The following CLNK variants were observed in gnomAD, a reference collection of about 807,000 sequenced individuals.
CLNK encodes cytokine-dependent hematopoietic cell linker.
Under a neutral mutation model 68.6 loss-of-function variants are expected in CLNK, and 74 were observed. The ratio of observed to expected loss-of-function variants is 1.08; its 90% CI spans 0.89 to 1.31. CLNK has a LOEUF of 1.31. Ranked by LOEUF, CLNK falls within the 50% of genes most tolerant of loss-of-function variation. The pLI is 0.00. For synonymous variants in CLNK, 198 were observed against 172.2 expected (o/e 1.15, Z -1.17); for missense variants, 553 against 515.3 (o/e 1.07, Z -0.71).
chr4:10,507,400 C>T (rs961905432), intron 17 of CLNK, among the ~76,000 whole-genome samples: 10 of 151,776 alleles, frequency 6.6e-5, no homozygotes, highest in East Asian at 1.9e-4. Context: ...CGTGAACTGC[C>T]GCATCCGGTC....
At chr4:10,661,555 C>T (rs763364907) in intron 2 of CLNK, among the ~76,000 whole-genome samples, 6 of 152,100 alleles carry the variant, frequency 3.9e-5, no homozygotes, top group Non-Finnish European at 7.3e-5. Flanking sequence ...TAGTGCTGAG[C>T]CATCAGAAAG....
chr4:10,639,863 TG>T (rs1169781224), intron 2 of CLNK, among the ~76,000 whole-genome samples: 4 of 152,224 alleles, frequency 2.6e-5, no homozygotes, highest in Non-Finnish European at 5.9e-5. Context: ...ATTACTGCAT[TG>T]GTGAATCACT....
At chr4:10,660,735 A>G (rs922449742) in intron 2 of CLNK, among the ~76,000 whole-genome samples, 1 of 152,324 alleles carries the variant, frequency 6.6e-6, no homozygotes, top group Admixed American at 6.5e-5. Context: ...AGAGAAGACT[A>G]TCTTGACATC....
chr4:10,593,517 G>C (rs1265468471), intron 3 of CLNK, among the ~76,000 whole-genome samples: 1 of 152,080 alleles, frequency 6.6e-6, no homozygotes, highest in South Asian at 2.1e-4. Flanking sequence ...TGCTGGGCGT[G>C]GTGGCAGGCA....
chr4:10,713,430 G>C, the CLNK span, among the ~76,000 whole-genome samples: 33 of 152,290 alleles, frequency 2.2e-4, 1 homozygote, highest in African/African-American at 7.0e-4. Flanking sequence ...CTAGGAGGAA[G>C]GGGGAACAAC....
intron 2 of CLNK, among the ~76,000 whole-genome samples, chr4:10,617,869 G>A (rs964050081): frequency 7.9e-5 from 12 of 152,290 alleles, no homozygotes; most frequent in Admixed American, 3.9e-4. Flanking sequence ...TTCATCCTGG[G>A]CTGTAGGGAA....
At chr4:10,518,104 A>G (rs896859694) in intron 15 of CLNK, among the ~76,000 whole-genome samples, 1 of 152,198 alleles carries the variant, frequency 6.6e-6, no homozygotes, top group Middle Eastern at 3.2e-3. Context: ...CAAGGAAATG[A>G]AGCCACAAGA....
rs767784743 is a variant in CLNK at position 10,490,630 on chromosome 4, A to G, written c.1141-17T>C. 1.3e-6 allele frequency: 2 copies of G among 1,550,344 alleles called. No homozygotes were observed. Among genetic ancestry groups the G allele is most frequent in the East Asian group, 2.4e-5 (1 of 41,362 alleles). ...ATCAAACTTCTGAAACACAGAAAAG[A>G]AAGTTAATGACTTTTAAAATATCTT... On this transcript the variant is annotated splice_polypyrimidine_tract_variant and intron_variant, in intron 18 of 18. Coordinates refer to ENST00000226951, the MANE Select transcript of CLNK (RefSeq NM_052964.4).
At chr4:10,624,785 G>A (rs1001944820) in intron 2 of CLNK, among the ~76,000 whole-genome samples, 5 of 151,984 alleles carry the variant, frequency 3.3e-5, no homozygotes, top group Admixed American at 6.6e-5. Context: ...GCAGAATCTT[G>A]ATGACTAGCA....
intron 3 of CLNK, among the ~76,000 whole-genome samples, chr4:10,589,081 A>G (rs1213418928): frequency 6.6e-6 from 1 of 152,236 alleles, no homozygotes; most frequent in African/African-American, 2.4e-5. Context: ...AGTAAATCTT[A>G]TATTAATTGT....
intron 4 of CLNK, among the ~76,000 whole-genome samples, chr4:10,572,941 G>A (rs1720406507): frequency 1.3e-5 from 2 of 152,150 alleles, no homozygotes; most frequent in African/African-American, 4.8e-5. Flanking sequence ...CGATTCTCGT[G>A]CCTCAGCCTC....
At chr4:10,576,115 G>A (rs1720554628) in intron 4 of CLNK, among the ~76,000 whole-genome samples, 1 of 152,188 alleles carries the variant, frequency 6.6e-6, no homozygotes, top group African/African-American at 2.4e-5. Flanking sequence ...ATGTGGTACA[G>A]CAGGAACATG....
At chr4:10,622,579 A>G (rs577980919) in intron 2 of CLNK, among the ~76,000 whole-genome samples, 1 of 152,368 alleles carries the variant, frequency 6.6e-6, no homozygotes, top group Admixed American at 6.5e-5. Context: ...AGTTTTCACC[A>G]GTTCTTTGTC....
chr4:10,537,619 CTCTTTCTTTCTTTCTTTCTCTTTCTT>C (rs1413416879), intron 11 of CLNK, among the ~76,000 whole-genome samples: 25 of 141,580 alleles, frequency 1.8e-4, no homozygotes, highest in Admixed American at 1.2e-3. Context: ...CTTTCTCTCT[CTCTTTCTTTCTTTCTTTCTCTTTCTT>C]TCTTTCTTTC....
At chr4:10,701,238 T>C in the CLNK span, among the ~76,000 whole-genome samples, 1 of 152,240 alleles carries the variant, frequency 6.6e-6, no homozygotes, top group Non-Finnish European at 1.5e-5. Flanking sequence ...ATTTCAGGCT[T>C]GGTTGCATCT....
chr4:10,668,190 G>T (rs541059715), intron 1 of CLNK, among the ~76,000 whole-genome samples: 2 of 152,302 alleles, frequency 1.3e-5, no homozygotes, highest in Admixed American at 1.3e-4. Context: ...TCCCTGGCGT[G>T]CAATTGTGTG....
At chr4:10,649,077 A>G (rs1723628898) in intron 2 of CLNK, among the ~76,000 whole-genome samples, 1 of 152,220 alleles carries the variant, frequency 6.6e-6, no homozygotes, top group South Asian at 2.1e-4. Context: ...AACGTTAGTG[A>G]ATCACGTTAA....
chr4:10,667,829 T>TG, intron 2 of CLNK, 30 bp downstream of exon 2: 1 of 1,564,810 alleles, frequency 6.4e-7, no homozygotes. Context: ...AAAAGGGAAC[T>TG]GGGGCTCACA....
Position 10,487,300 on chromosome 4 carries a change from A to G in CLNK, c.*3167T>C, listed in dbSNP as rs1716386978. ...CCTTGGTTCCAGTCGCGACTATGTC[A>G]CTGTGAGATTTTGGCCAATGAGGTA... On this transcript the variant is annotated 3_prime_UTR_variant, in exon 19 of 19. Coordinates refer to ENST00000226951, the MANE Select transcript of CLNK (RefSeq NM_052964.4). 6.6e-6 allele frequency: 1 copy of G among 152,244 alleles called. No individual in the cohort carries two copies. The highest frequency in any genetic ancestry group is 1.5e-5 in the Non-Finnish European group (1 of 68,042). 9.4% of individuals were successfully genotyped at this position (152,244 alleles called of 1,614,324 possible). A position where few individuals can be genotyped will look rare whatever the true frequency, so the allele number is the denominator to read the frequency against.
Sources: allele counts gnomAD v4.1 joint callset (sites outside exome capture counted in the v4.1 genomes callset), GRCh38; gene constraint gnomAD v4.1.1; transcripts MANE v1.5; gene names NCBI Gene and HGNC (gene_info 2026-07-23, HGNC 2026-07-21).